Variants in LRRTM4 observed in about 807,000 individuals in gnomAD.
LRRTM4 encodes leucine-rich repeat transmembrane neuronal protein 4.
LRRTM4 carries 25 observed loss-of-function variants against 47.6 expected under a neutral mutation model. The ratio of observed to expected loss-of-function variants is 0.53; its 90% confidence interval spans 0.38 to 0.73. The LOEUF is 0.73. Ranked by LOEUF, LRRTM4 falls within the 30% of genes least tolerant of loss-of-function variation. The pLI, the probability that LRRTM4 is intolerant of heterozygous loss-of-function variation, is 0.00. For missense variants in LRRTM4, 638 were observed against 713.4 expected (o/e 0.89, Z 1.20); for synonymous variants, 311 against 269.5 (o/e 1.15, Z -1.51).
intron 3 of LRRTM4, among the ~76,000 whole-genome samples, chr2:77,026,112 AG>A (rs1436157292): frequency 1.4e-4 from 22 of 152,178 alleles, no homozygotes; most frequent in African/African-American, 4.8e-4. Context: ...TAATTTTACT[AG>A]GGACTAAATG....
At chr2:77,461,473 A>G (rs1198763976) in intron 3 of LRRTM4, among the ~76,000 whole-genome samples, 1 of 152,070 alleles carries the variant, frequency 6.6e-6, no homozygotes, top group Non-Finnish European at 1.5e-5. Flanking sequence ...TTCCAATACC[A>G]TATGGACTGA....
At chr2:77,145,093 G>C (rs1275082885) in intron 3 of LRRTM4, among the ~76,000 whole-genome samples, 1 of 151,886 alleles carries the variant, frequency 6.6e-6, no homozygotes, top group Non-Finnish European at 1.5e-5. Context: ...ATGACAACAT[G>C]AATAGGAAGA....
chr2:77,129,108 A>C (rs1175838371), intron 3 of LRRTM4, among the ~76,000 whole-genome samples: 1 of 152,186 alleles, frequency 6.6e-6, no homozygotes, highest in Non-Finnish European at 1.5e-5. Flanking sequence ...TCTTACACAA[A>C]GCTTCCAGGC....
intron 3 of LRRTM4, among the ~76,000 whole-genome samples, chr2:76,798,624 G>C (rs1343607743): frequency 6.6e-6 from 1 of 151,140 alleles, no homozygotes; most frequent in African/African-American, 2.4e-5. Flanking sequence ...AGGAAATAGA[G>C]ACACAAAAAA....
intron 3 of LRRTM4, among the ~76,000 whole-genome samples, chr2:77,138,648 TA>T (rs1672022847): frequency 6.6e-6 from 1 of 151,740 alleles, no homozygotes; most frequent in Non-Finnish European, 1.5e-5. Context: ...GAGATAGAGA[TA>T]TAAAAAACCC....
At chr2:77,278,535 A>T (rs527736744) in intron 3 of LRRTM4, among the ~76,000 whole-genome samples, 2 of 152,036 alleles carry the variant, frequency 1.3e-5, no homozygotes, top group East Asian at 3.9e-4. Context: ...CTTCACATCA[A>T]TTGAAAAAAA....
chr2:77,112,602 T>C (rs921066345), intron 3 of LRRTM4, among the ~76,000 whole-genome samples: 23 of 152,046 alleles, frequency 1.5e-4, no homozygotes, highest in African/African-American at 4.1e-4. Flanking sequence ...AGGAGGGATT[T>C]TTTTTTTTTA....
At chr2:77,060,356 C>G (rs545909388) in intron 3 of LRRTM4, among the ~76,000 whole-genome samples, 14 of 151,782 alleles carry the variant, frequency 9.2e-5, no homozygotes, top group Admixed American at 2.6e-4. Flanking sequence ...ATGCTATTGG[C>G]TTTATTGAAT....
At chr2:76,879,365 TA>T (rs1672865344) in intron 3 of LRRTM4, among the ~76,000 whole-genome samples, 1 of 152,170 alleles carries the variant, frequency 6.6e-6, no homozygotes, top group Admixed American at 6.5e-5. Flanking sequence ...TTACCATTCC[TA>T]AAATTTTAGG....
At chr2:77,464,135 T>A (rs1243970477) in intron 3 of LRRTM4, among the ~76,000 whole-genome samples, 1 of 152,026 alleles carries the variant, frequency 6.6e-6, no homozygotes, top group Non-Finnish European at 1.5e-5. Flanking sequence ...GAAAATGACC[T>A]GGATGCAGGC....
chr2:76,791,968 A>T (rs1023946727), intron 3 of LRRTM4, among the ~76,000 whole-genome samples: 1 of 152,218 alleles, frequency 6.6e-6, no homozygotes, highest in African/African-American at 2.4e-5. Flanking sequence ...TTTTTGTATC[A>T]GATCTGGGTC....
intron 3 of LRRTM4, among the ~76,000 whole-genome samples, chr2:77,358,211 G>T (rs987851766): frequency 7.9e-5 from 12 of 152,156 alleles, no homozygotes; most frequent in African/African-American, 2.7e-4. Flanking sequence ...CTTGGCTCGT[G>T]GTTCTGCAGA....
intron 3 of LRRTM4, among the ~76,000 whole-genome samples, chr2:76,821,235 A>T (rs1671045500): frequency 6.6e-6 from 1 of 151,752 alleles, no homozygotes; most frequent in African/African-American, 2.4e-5. Context: ...CATACCTAAG[A>T]AGAGATGATA....
chr2:76,775,472 C>G (rs571631707), intron 3 of LRRTM4, among the ~76,000 whole-genome samples: 2 of 152,112 alleles, frequency 1.3e-5, no homozygotes, highest in South Asian at 2.1e-4. Flanking sequence ...CAAAAGAACT[C>G]TAAAGGGCAA....
At chr2:77,310,212 C>G (rs1677413835) in intron 3 of LRRTM4, among the ~76,000 whole-genome samples, 1 of 151,982 alleles carries the variant, frequency 6.6e-6, no homozygotes. Context: ...AGGACAAATA[C>G]CATAATGTTG....
chr2:77,061,226 T>G (rs1028196418), intron 3 of LRRTM4, among the ~76,000 whole-genome samples: 2 of 151,996 alleles, frequency 1.3e-5, no homozygotes, highest in African/African-American at 2.4e-5. Flanking sequence ...TTAGAGTAAA[T>G]AGTAGCACCA....
chr2:77,142,430 T>TAC (rs71381264), intron 3 of LRRTM4, among the ~76,000 whole-genome samples: 2,462 of 145,304 alleles, frequency 0.017, 30 homozygotes, highest in East Asian at 0.045. Flanking sequence ...CACACACACA[T>TAC]ACACACACAC....
intron 3 of LRRTM4, among the ~76,000 whole-genome samples, chr2:76,909,001 T>C (rs1673951898): frequency 6.6e-6 from 1 of 152,080 alleles, no homozygotes; most frequent in South Asian, 2.1e-4. Context: ...TACTTTAAAG[T>C]TCACATGGAA....
intron 3 of LRRTM4, among the ~76,000 whole-genome samples, chr2:77,342,469 T>G (rs531741225): frequency 6.4e-4 from 97 of 152,066 alleles, no homozygotes; most frequent in Non-Finnish European, 1.1e-3. Flanking sequence ...TACTGTAGTG[T>G]AAAGAGCAAC....
Sources: gnomAD v4.1 joint callset for allele counts (sites outside exome capture counted in the v4.1 genomes callset) on GRCh38, gnomAD v4.1.1 for gene constraint, MANE v1.5 for transcripts, NCBI Gene and HGNC (gene_info 2026-07-23, HGNC 2026-07-21) for gene names.